CNTN5: variants seen among roughly 807,000 people sequenced by gnomAD.
The protein encoded by CNTN5 is contactin 5.
In CNTN5, 77 loss-of-function variants were observed where a neutral mutation model predicts 129.1. The observed-to-expected ratio is 0.60, with a 90% CI of 0.50 to 0.72. The LOEUF is 0.72. Ranked by LOEUF, CNTN5 falls within the 30% of genes least tolerant of loss-of-function variation. The probability of loss-of-function intolerance (pLI) is 0.00; values close to 1 mark genes in which losing one functional copy is unlikely to be tolerated. For missense variants in CNTN5, 1,478 were observed against 1,328.8 expected, an observed-to-expected ratio of 1.11 and a Z score of -1.75; for synonymous variants, 509 against 465.6, an observed-to-expected ratio of 1.09 and a Z score of -1.20.
At chr11:99,531,222 G>T (rs1187876041) in intron 2 of CNTN5, among the ~76,000 whole-genome samples, 1 of 152,100 alleles carries the variant, frequency 6.6e-6, no homozygotes, top group African/African-American at 2.4e-5. Flanking sequence ...TTTTGTTTTA[G>T]CAGAGAGACT....
intron 2 of CNTN5, among the ~76,000 whole-genome samples, chr11:99,508,468 A>G (rs1480241372): frequency 3.9e-5 from 6 of 152,158 alleles, no homozygotes; most frequent in Non-Finnish European, 7.4e-5. Flanking sequence ...ATGCAGAGCC[A>G]CACATACTGA....
intron 10 of CNTN5, among the ~76,000 whole-genome samples, chr11:100,063,525 G>C (rs891295978): frequency 1.3e-5 from 2 of 151,902 alleles, no homozygotes; most frequent in African/African-American, 2.4e-5. Flanking sequence ...TTTCTACCAG[G>C]CTCCATCAGG....
intron 2 of CNTN5, among the ~76,000 whole-genome samples, chr11:99,402,417 A>G (rs1384179741): frequency 6.6e-6 from 1 of 152,118 alleles, no homozygotes; most frequent in African/African-American, 2.4e-5. Context: ...CCAGGGGTAA[A>G]TTCTGCTTGA....
chr11:99,295,216 A>G (rs1454425170), intron 1 of CNTN5, among the ~76,000 whole-genome samples: 1 of 152,208 alleles, frequency 6.6e-6, no homozygotes, highest in African/African-American at 2.4e-5. Flanking sequence ...TAGGTTAAAG[A>G]ATGAGCTAGC....
chr11:99,226,122 T>C (rs1860671517), intron 1 of CNTN5, among the ~76,000 whole-genome samples: 1 of 152,138 alleles, frequency 6.6e-6, no homozygotes, highest in Admixed American at 6.6e-5. Context: ...GGGTAGAATG[T>C]CTTAAGTGGT....
At chr11:99,232,449 G>C (rs1251398834) in intron 1 of CNTN5, among the ~76,000 whole-genome samples, 1 of 152,042 alleles carries the variant, frequency 6.6e-6, no homozygotes, top group African/African-American at 2.4e-5. Flanking sequence ...TTGCCTCTCT[G>C]CTTACCTGTT....
At position 100,337,031 on chromosome 11, in the gene CNTN5, T is replaced by C. The variant is rs969070345; in HGVS notation, c.2731-3432T>C. On this transcript the variant is annotated intron_variant, in intron 21 of 24. Coordinates refer to ENST00000524871, the MANE Select transcript of CNTN5 (RefSeq NM_014361.4). ...TCTCAGCTGCTTTCTGCCACTTTGA[T>C]TGATGAAGTGTTCAAAATTGGCAAT... 32 of 916,592 alleles carry C rather than the reference T, an allele frequency of 3.5e-5. 1 individual carries two copies. In the African/African-American group the frequency reaches 3.9e-4, roughly 11 times the overall value. 56.8% of individuals were successfully genotyped at this position (916,592 alleles called of 1,614,324 possible).
At chr11:100,069,802 T>C (rs1463293927) in intron 10 of CNTN5, among the ~76,000 whole-genome samples, 13 of 152,126 alleles carry the variant, frequency 8.5e-5, no homozygotes, top group Admixed American at 7.9e-4. Context: ...CCTTAAAAAT[T>C]GGCCAATAGT....
intron 1 of CNTN5, among the ~76,000 whole-genome samples, chr11:99,121,480 A>G (rs948730846): frequency 1.3e-5 from 2 of 152,118 alleles, no homozygotes; most frequent in African/African-American, 4.8e-5. Context: ...ACAAAGACAC[A>G]TCCTGCCACT....
At chr11:99,202,640 T>C (rs1859266355) in intron 1 of CNTN5, among the ~76,000 whole-genome samples, 1 of 152,084 alleles carries the variant, frequency 6.6e-6, no homozygotes, top group African/African-American at 2.4e-5. Context: ...TTCACTACTT[T>C]AGTTTTTGGG....
chr11:99,358,332 G>GATCCGCCA (rs1938856393), intron 2 of CNTN5, among the ~76,000 whole-genome samples: 1 of 139,040 alleles, frequency 7.2e-6, no homozygotes, highest in Admixed American at 8.0e-5. Context: ...CTGACCTCGT[G>GATCCGCCA]ATCCGCCAGC....
At chr11:100,345,755 A>AT (rs1381446039) in intron 23 of CNTN5, among the ~76,000 whole-genome samples, 9 of 151,904 alleles carry the variant, frequency 5.9e-5, no homozygotes, top group Non-Finnish European at 1.3e-4. Flanking sequence ...CTTTCCACTG[A>AT]TTTTTTTTTG....
At chr11:99,238,774 T>C (rs1861403546) in intron 1 of CNTN5, among the ~76,000 whole-genome samples, 1 of 152,132 alleles carries the variant, frequency 6.6e-6, no homozygotes, top group African/African-American at 2.4e-5. Flanking sequence ...GATCTGCATC[T>C]CAGATGAACT....
chr11:99,552,586 T>G (rs1357158904), intron 2 of CNTN5, among the ~76,000 whole-genome samples: 3 of 152,062 alleles, frequency 2.0e-5, no homozygotes, highest in Non-Finnish European at 4.4e-5. Flanking sequence ...GATTTAAAAC[T>G]CTAAGGTATG....
chr11:99,607,611 AG>A, intron 3 of CNTN5, among the ~76,000 whole-genome samples: 1 of 121,902 alleles, frequency 8.2e-6, no homozygotes, highest in South Asian at 2.9e-4. Context: ...ATATACCCAA[AG>A]GGCTATAAAT....
intron 3 of CNTN5, among the ~76,000 whole-genome samples, chr11:99,682,397 C>T (rs969340422): frequency 2.0e-5 from 3 of 151,448 alleles, no homozygotes; most frequent in Non-Finnish European, 4.4e-5. Context: ...CCAGTTAGTA[C>T]AATGCTAAAA....
chr11:99,440,784 C>T (rs1033159967), intron 2 of CNTN5, among the ~76,000 whole-genome samples: 1 of 151,992 alleles, frequency 6.6e-6, no homozygotes, highest in Non-Finnish European at 1.5e-5. Context: ...TAGATATGTC[C>T]AGGCTTGGAA....
At chr11:99,989,533 C>A (rs190357647) in intron 8 of CNTN5, among the ~76,000 whole-genome samples, 1 of 151,998 alleles carries the variant, frequency 6.6e-6, no homozygotes, top group East Asian at 1.9e-4. Context: ...ACACACTTCA[C>A]CAAGTCAAAT....
intron 2 of CNTN5, among the ~76,000 whole-genome samples, chr11:99,425,335 C>A (rs1296055799): frequency 6.6e-6 from 1 of 152,218 alleles, no homozygotes; most frequent in East Asian, 1.9e-4. Context: ...TAGGGTTTCA[C>A]TGAGGACCCT....
Sources: gnomAD v4.1 joint callset for allele counts (sites outside exome capture counted in the v4.1 genomes callset) on GRCh38, gnomAD v4.1.1 for gene constraint, MANE v1.5 for transcripts, NCBI Gene and HGNC (gene_info 2026-07-23, HGNC 2026-07-21) for gene names.